FMN2: variants seen among roughly 807,000 people sequenced by gnomAD.
FMN2 encodes formin-2.
In FMN2, 51 loss-of-function variants were observed where a neutral mutation model predicts 142.3. The observed-to-expected ratio is 0.36, with a 90% CI of 0.29 to 0.45. The LOEUF is 0.45. FMN2 is among the 20% of genes least tolerant of loss of function. The probability of loss-of-function intolerance (pLI) is 1.00; values close to 1 mark genes in which losing one functional copy is unlikely to be tolerated. For synonymous variants in FMN2, 882 were observed against 869.8 expected (o/e 1.01, Z -0.25); for missense variants, 1,936 against 2,122.8 (o/e 0.91, Z 1.73).
chr1:240,219,896 C>A (rs1486104909), intron 6 of FMN2, among the ~76,000 whole-genome samples: 1 of 152,132 alleles, frequency 6.6e-6, no homozygotes, highest in African/African-American at 2.4e-5. Context: ...TGGGCTCAGG[C>A]AATCTTCCTG....
At chr1:240,437,337 C>T (rs542996815) in intron 15 of FMN2, among the ~76,000 whole-genome samples, 2 of 145,664 alleles carry the variant, frequency 1.4e-5, no homozygotes, top group South Asian at 2.2e-4. Flanking sequence ...TCTGTTGCCC[C>T]GGCTGGAGTG....
intron 14 of FMN2, among the ~76,000 whole-genome samples, chr1:240,387,518 G>A (rs1673446782): frequency 6.6e-6 from 1 of 152,168 alleles, no homozygotes; most frequent in African/African-American, 2.4e-5. Flanking sequence ...TGTTTATCCT[G>A]TAGGCATTGG....
In FMN2 at chr1:240,212,164, C is replaced by G. The variant is rs182943009; in HGVS notation, c.4065+929C>G. On this transcript the variant is annotated intron_variant, in intron 6 of 17. Transcript: ENST00000319653. ...AGTTCCAGCTAATGGGGTGATTCCT[C>G]GAATTTGTGCCTCTGACCTGGAAGT... Among the ~76,000 whole-genome samples the G allele has an allele frequency of 2.2e-3, 341 of 152,218 alleles. 3 individuals carry two copies. Among genetic ancestry groups the G allele is most frequent in the African/African-American group, 7.7e-3 (319 of 41,540 alleles).
At chr1:240,257,794 A>G in intron 6 of FMN2, 151 bp from the exon 7 acceptor site, 1 of 642,772 alleles carries the variant, frequency 1.6e-6, no homozygotes. Flanking sequence ...GCTCTCTTCA[A>G]ACATTAAAAA....
In FMN2 at chr1:240,343,001, A is replaced by G. The variant is rs1366300245; in HGVS notation, c.4765+8772A>G. On this transcript the variant is annotated intron_variant, in intron 13 of 17. Transcript: ENST00000319653. The stretch of plus-strand genomic sequence containing the variant: ...AAAAATAGTATTTCAAGCATGGGAA[A>G]GAGCATGAGCAAAGTTACCTATCCT... Among the ~76,000 whole-genome samples, 5 of 152,334 alleles carry G rather than the reference A, an allele frequency of 3.3e-5. No homozygotes were observed. The South Asian group carries it at 8.3e-4, about 25-fold the overall frequency.
chr1:240,123,114 C>G, intron 1 of FMN2, 65 bp from the exon 2 acceptor site: 2 of 1,573,736 alleles, frequency 1.3e-6, no homozygotes, highest in Non-Finnish European at 1.7e-6. Context: ...AGCCGCTGTC[C>G]CCTGGCGAGT....
At chr1:240,357,851 G>T (rs1318757548) in intron 14 of FMN2, among the ~76,000 whole-genome samples, 1 of 152,060 alleles carries the variant, frequency 6.6e-6, no homozygotes, top group Non-Finnish European at 1.5e-5. Context: ...TTGTGATCCA[G>T]CCTCTTCGGC....
chr1:240,458,106 A>G (rs923186399), intron 16 of FMN2: 1 of 152,248 alleles, frequency 6.6e-6, no homozygotes, highest in Non-Finnish European at 1.5e-5. Context: ...AAAGGGTCAC[A>G]ATGGAAAGGA....
At chr1:240,221,849 C>CT (rs34473197) in intron 6 of FMN2, among the ~76,000 whole-genome samples, 38,536 of 115,082 alleles carry the variant, frequency 0.33, 6,658 homozygotes, top group Non-Finnish European at 0.39. Context: ...CTTCTAGGGA[C>CT]TTTTTTTTTT....
chr1:240,252,080 T>C (rs1668295397), intron 6 of FMN2, among the ~76,000 whole-genome samples: 1 of 152,104 alleles, frequency 6.6e-6, no homozygotes. Context: ...GGCTGATTTT[T>C]GTATTTTTAG....
At chr1:240,285,261 G>A (rs763616824) in intron 7 of FMN2, 1 of 455,486 alleles carries the variant, frequency 2.2e-6, no homozygotes, top group South Asian at 1.5e-5. Flanking sequence ...ATGATGTGTT[G>A]GATGTGGAAG....
At chr1:240,304,129 T>G (rs962232449) in intron 8 of FMN2, among the ~76,000 whole-genome samples, 10 of 152,180 alleles carry the variant, frequency 6.6e-5, no homozygotes, top group African/African-American at 2.2e-4. Context: ...AAAACAAAAT[T>G]TAAAAAGCCT....
intron 13 of FMN2, among the ~76,000 whole-genome samples, chr1:240,335,837 G>A (rs1488580090): frequency 6.6e-6 from 1 of 152,140 alleles, no homozygotes; most frequent in African/African-American, 2.4e-5. Flanking sequence ...ACACCAGATA[G>A]TGGGTTTGAA....
rs528239044 is a variant in FMN2 at position 240,119,885 on chromosome 1, C to T, written c.1616-3294C>T. On this transcript the variant is annotated intron_variant, in intron 1 of 17. Transcript: ENST00000319653. ...CGGTAGGAAAGAATTAGTCTTAGGG[C>T]TATTTTCAGTAATTCGGTAACATGA... Among the ~76,000 whole-genome samples the T allele has an allele frequency of 4.6e-5, 7 of 152,250 alleles. No homozygotes were observed. In the South Asian group the frequency reaches 1.5e-3, roughly 32 times the overall value.
At chr1:240,446,225 G>A (rs375089147) in intron 16 of FMN2, among the ~76,000 whole-genome samples, 6 of 152,166 alleles carry the variant, frequency 3.9e-5, no homozygotes, top group East Asian at 3.9e-4. Flanking sequence ...TTATCTTGCC[G>A]TGTTCCAAGA....
chr1:240,323,119 T>TCTTC (rs1300733088), intron 8 of FMN2, among the ~76,000 whole-genome samples: 1 of 130,172 alleles, frequency 7.7e-6, no homozygotes, highest in Non-Finnish European at 1.7e-5. Context: ...TCTTTTTTCT[T>TCTTC]TTTCTTTCCT....
intron 4 of FMN2, among the ~76,000 whole-genome samples, chr1:240,204,157 TAAGGAAATC>T (rs1171478898): frequency 6.6e-6 from 1 of 152,128 alleles, no homozygotes; most frequent in Admixed American, 6.5e-5. Context: ...AATAGAAAAT[TAAGGAAATC>T]AACCCTTTGT....
Position 240,092,823 on chromosome 1 carries a change from C to A in FMN2, c.714C>A (p.Ala238=), listed in dbSNP as rs1372754812. ...AGGAGCCTGCAGCGCCCCCCACTGC[C>A]GTCTCCCCTCAGCCCGGGGCCTTCC... ...GAEEPAAPPT[A]VSPQPGAFLG... is the part of the protein sequence containing the mutation. The change falls in exon 1 of 18, where the codon GCC becomes GCA. Residue 238 remains alanine, a synonymous_variant. Transcript: ENST00000319653. The A allele has an allele frequency of 2.5e-6, 4 of 1,571,074 alleles. No individual in the cohort carries two copies. The South Asian group carries it at 3.4e-5, about 14-fold the overall frequency.
chr1:240,453,924 GCTTGCAGTGA>G (rs1349326682), intron 16 of FMN2, among the ~76,000 whole-genome samples: 2 of 62,664 alleles, frequency 3.2e-5, no homozygotes, highest in East Asian at 7.7e-4. Flanking sequence ...GGGAAGCGGA[GCTTGCAGTGA>G]GCCGAGATTG....
Sources: gnomAD v4.1 joint callset for allele counts (sites outside exome capture counted in the v4.1 genomes callset) on GRCh38, gnomAD v4.1.1 for gene constraint, MANE v1.5 for transcripts, NCBI Gene and HGNC (gene_info 2026-07-23, HGNC 2026-07-21) for gene names.